Variants in ATRAID observed in about 807,000 individuals in gnomAD.
The protein encoded by ATRAID is all-trans retinoic acid induced differentiation factor.
ATRAID carries 26 observed loss-of-function variants against 28.8 expected under a neutral mutation model. The observed-to-expected ratio is 0.90, with a 90% CI of 0.66 to 1.25. ATRAID has a LOEUF of 1.25. Among genes scored for constraint, ATRAID ranks in the 50% most tolerant of loss-of-function variants. ATRAID has a pLI of 0.00. For missense variants in ATRAID, 308 were observed against 285.9 expected, an observed-to-expected ratio of 1.08 and a Z score of -0.56; for synonymous variants, 131 against 108.5, an observed-to-expected ratio of 1.21 and a Z score of -1.29.
rs760355545 is a variant in ATRAID, at chr2:27,216,833, G to T, written c.586-11G>T. The T allele has an allele frequency of 6.2e-7, 1 of 1,610,694 alleles. No homozygotes were observed. The highest frequency in any genetic ancestry group is 8.5e-7 in the Non-Finnish European group (1 of 1,177,174). On this transcript the variant is annotated splice_polypyrimidine_tract_variant and intron_variant, in intron 6 of 6. Coordinates refer to ENST00000380171, the MANE Select transcript of ATRAID (RefSeq NM_001170795.4). ...GTTGTATGGGGGTGTTTTTTGGTCT[G>T]TTGTTCACAGGGCTCGTTCTCACTG...
rs1010689315 is a variant in ATRAID at position 27,213,469 on chromosome 2, C to G, written c.221+171C>G. On this transcript the variant is annotated intron_variant, in intron 2 of 6. Coordinates refer to ENST00000380171, the MANE Select transcript of ATRAID (RefSeq NM_001170795.4). The stretch of plus-strand genomic sequence containing the variant: ...GTGTCTTTTTTAACCTTTCCACACT[C>G]CAGGTACATACGGGTACCTCTAGCT... 7 of 781,122 alleles carry G rather than the reference C, an allele frequency of 9.0e-6. No homozygotes were observed. The African/African-American group carries it at 1.2e-4, about 14-fold the overall frequency. 48.4% of individuals were successfully genotyped at this position (781,122 alleles called of 1,614,324 possible).
chr2:27,213,951 A>G (rs1335741678), intron 2 of ATRAID, among the ~76,000 whole-genome samples: 1 of 152,116 alleles, frequency 6.6e-6, no homozygotes, highest in African/African-American at 2.4e-5. Context: ...ATTATTATTT[A>G]TTTATTTTTT....
chr2:27,215,863 G>A (rs1423162340), intron 5 of ATRAID, 110 bp downstream of exon 5: 43 of 1,390,356 alleles, frequency 3.1e-5, no homozygotes, highest in Non-Finnish European at 3.9e-5. Flanking sequence ...AGAGTTCTGG[G>A]GCTATAACCC....
chr2:27,216,559 G>C lies in ATRAID; in HGVS notation c.524G>C (p.Gly175Ala), dbSNP rs766689674. The change falls in exon 6 of 7, where the codon GGT (glycine) becomes GCT (alanine). Residue 175 changes from glycine (G) to alanine (A), a missense_variant. By Grantham distance (60) the Gly-to-Ala change is moderately conservative (BLOSUM62 0). Transcript: ENST00000380171. Reference protein sequence around the residue: ...CPENGSCVPDGPGLLQCVCAD... With the variant: ...CPENGSCVPDAPGLLQCVCAD... ...GAGAATGGATCTTGTGTACCTGATG[G>C]TCCAGGTCTTTTGCAGTGTGTTTGT... 2.5e-6 allele frequency: 4 copies of C among 1,613,988 alleles called. No individual in the cohort carries two copies. In the African/African-American group the frequency reaches 5.3e-5, roughly 22 times the overall value.
rs771834206 is a variant in ATRAID, at chr2:27,212,374, G to T, written c.6G>T (p.Ala2=). ...GAGCACCAAGGGAACGGAAAATGGC[G>T]CCTCACGACCCGGGTAGTCTTACGA... is the stretch of plus-strand genomic sequence containing the variant. M[A]PHDPGSLTTL... Residue 2 remains alanine, a synonymous_variant, in exon 1 of 7, where the codon GCG becomes GCT. Coordinates refer to ENST00000380171, the MANE Select transcript of ATRAID (RefSeq NM_001170795.4). 2 of 1,550,464 alleles carry T rather than the reference G, an allele frequency of 1.3e-6. No homozygotes were observed. The highest frequency in any genetic ancestry group is 1.7e-6 in the Non-Finnish European group (2 of 1,146,772).
chr2:27,213,133 TG>T (rs1324450043), intron 1 of ATRAID, 43 bp from the exon 2 acceptor site: 1 of 1,595,182 alleles, frequency 6.3e-7, no homozygotes, highest in Non-Finnish European at 8.6e-7. Context: ...GTTCTTTTCT[TG>T]GCTTTTCTTT....
intron 5 of ATRAID, 88 bp from the exon 6 acceptor site, chr2:27,216,435 T>A: frequency 7.6e-6 from 8 of 1,049,848 alleles, no homozygotes; most frequent in Non-Finnish European, 1.2e-5. Context: ...TAGCAATGAT[T>A]GAGAGAATCT....
chr2:27,212,635 C>CCCA (rs1674630744), intron 1 of ATRAID, 168 bp downstream of exon 1: 2 of 1,407,958 alleles, frequency 1.4e-6, no homozygotes, highest in East Asian at 5.5e-5. Context: ...TCACGTCGTG[C>CCCA]AGGCCTTCGG....
rs1376220712 is a variant in ATRAID at position 27,212,222 on chromosome 2, C to T, written c.-147C>T. Reference sequence around the variant, plus strand: ...AGGGCGCATGAAGACCAGCGCAGAGCTCCACGAGCAGGAAAAGCCCCCAAG... The same window carrying T: ...AGGGCGCATGAAGACCAGCGCAGAGTTCCACGAGCAGGAAAAGCCCCCAAG... On this transcript the variant is annotated 5_prime_UTR_variant, in exon 1 of 7. Transcript: ENST00000380171. The T allele has an allele frequency of 3.2e-6, 5 of 1,559,638 alleles. No homozygotes were observed. The highest frequency in any genetic ancestry group is 4.3e-6 in the Non-Finnish European group (5 of 1,152,310).
At chr2:27,215,251 A>C (rs1674775562) in intron 2 of ATRAID, 70 bp from the exon 3 acceptor site, 1 of 1,497,038 alleles carries the variant, frequency 6.7e-7, no homozygotes. Context: ...TTGTGTAGTC[A>C]AATACAAACT....
Position 27,212,463 on chromosome 2 carries a change from C to G in ATRAID, c.95C>G (p.Pro32Arg), listed in dbSNP as rs1291006435. The G allele has an allele frequency of 1.3e-6, 2 of 1,563,510 alleles. No individual in the cohort carries two copies. The highest frequency in any genetic ancestry group is 1.7e-6 in the Non-Finnish European group (2 of 1,155,960). Residue 32 changes from proline (P) to arginine (R), a missense_variant, in exon 1 of 7, where the codon CCC becomes CGC. Pro to Arg is a moderately radical substitution (Grantham distance 103). Coordinates refer to ENST00000380171, the MANE Select transcript of ATRAID (RefSeq NM_001170795.4). ...GGCGTGGAAAGGGCTCTGGCGCTAC[C>G]CGAGGTACAGAAGCAAGTTTGAGGT... ...ALGVERALAL[P>R]EICTQCPGSV...
At chr2:27,213,368 A>G (rs1327186037) in intron 2 of ATRAID, 70 bp downstream of exon 2, 2 of 1,539,316 alleles carry the variant, frequency 1.3e-6, no homozygotes, top group East Asian at 2.3e-5. Context: ...ATACCCTTAT[A>G]TTATTTAAAG....
intron 1 of ATRAID, chr2:27,212,723 T>G: frequency 8.6e-7 from 1 of 1,163,616 alleles, no homozygotes; most frequent in Non-Finnish European, 1.1e-6. Context: ...TTAAGTTCTT[T>G]CTACAGACGG....
rs988694419 is a variant in ATRAID at position 27,212,720 on chromosome 2, C to A, written c.99+253C>A. ...CTTAATTTTAGAATAACTTTAAGTTCTTTCTACAGACGGGTCCTCTGCCTC... is the reference window on the plus strand; with the variant it reads ...CTTAATTTTAGAATAACTTTAAGTTATTTCTACAGACGGGTCCTCTGCCTC... On this transcript the variant is annotated intron_variant, in intron 1 of 6. Transcript: ENST00000380171. The A allele has an allele frequency of 5.0e-6, 6 of 1,188,782 alleles. No homozygotes were observed. The East Asian group carries it at 1.5e-4, about 30-fold the overall frequency. 73.6% of individuals were successfully genotyped at this position (1,188,782 alleles called of 1,614,324 possible). A position where few individuals can be genotyped will look rare whatever the true frequency, so the allele number is the denominator to read the frequency against.
chr2:27,212,450 G>A lies in ATRAID; in HGVS notation c.82G>A (p.Ala28Thr). The change falls in exon 1 of 7, where the codon GCT becomes ACT. Residue 28 changes from alanine (A) to threonine (T), a missense_variant. Ala to Thr is a moderately conservative substitution (Grantham distance 58). Transcript: ENST00000380171. ...GCTCCTCGCTCTGGGCGTGGAAAGG[G>A]CTCTGGCGCTACCCGAGGTACAGAA... ...ALLLALGVER[A>T]LALPEICTQC... is the part of the protein sequence containing the mutation. 6.4e-7 allele frequency: 1 copy of A among 1,563,288 alleles called. No individual in the cohort carries two copies. Among genetic ancestry groups the A allele is most frequent in the Non-Finnish European group, 8.7e-7 (1 of 1,155,212 alleles).
intron 5 of ATRAID, 83 bp from the exon 6 acceptor site, chr2:27,216,428 CAATGATTGAGAG>C (rs1223817034): frequency 1.1e-5 from 11 of 999,378 alleles, no homozygotes; most frequent in African/African-American, 9.6e-5. Context: ...TTTATCCTAG[CAATGATTGAGAG>C]AATCTAAGTT....
At chr2:27,215,016 C>A (rs1048361632) in intron 2 of ATRAID, among the ~76,000 whole-genome samples, 9 of 152,132 alleles carry the variant, frequency 5.9e-5, no homozygotes, top group Non-Finnish European at 1.2e-4. Context: ...CCAGGCTGGT[C>A]TTGAATTCCT....
chr2:27,213,015 A>C lies in ATRAID; in HGVS notation c.100-162A>C, dbSNP rs189442036. 2.0e-4 allele frequency: 169 copies of C among 847,362 alleles called. No homozygotes were observed. The African/African-American group carries it at 2.6e-3, about 13-fold the overall frequency. 52.5% of individuals were successfully genotyped at this position (847,362 alleles called of 1,614,324 possible). A position where few individuals can be genotyped will look rare whatever the true frequency, so the allele number is the denominator to read the frequency against. ...TCTGGAGGAAGAGATGGCATCTCCT[A>C]GCCTAGCCTGTTACAAGGGTGGGAC... On this transcript the variant is annotated intron_variant, in intron 1 of 6. Coordinates refer to ENST00000380171, the MANE Select transcript of ATRAID (RefSeq NM_001170795.4).
Position 27,212,268 on chromosome 2 carries a change from C to T in ATRAID, c.-101C>T, listed in dbSNP as rs775098924. 5.8e-6 allele frequency: 9 copies of T among 1,556,580 alleles called. 1 individual carries two copies. The South Asian group carries it at 1.1e-4, about 18-fold the overall frequency. On this transcript the variant is annotated 5_prime_UTR_variant, in exon 1 of 7. Transcript: ENST00000380171. ...CCAAGCAGCCCCAGGGCGACTGGACCGGGCCGCTTAGGCCACGCCCGGGGA... is the reference window on the plus strand; with the variant it reads ...CCAAGCAGCCCCAGGGCGACTGGACTGGGCCGCTTAGGCCACGCCCGGGGA...
Sources: gnomAD v4.1 joint callset for allele counts (sites outside exome capture counted in the v4.1 genomes callset) on GRCh38, gnomAD v4.1.1 for gene constraint, MANE v1.5 for transcripts, NCBI Gene and HGNC (gene_info 2026-07-23, HGNC 2026-07-21) for gene names.